ADAMTS2: variants seen among roughly 807,000 people sequenced by gnomAD.
ADAMTS2 encodes A disintegrin and metalloproteinase with thrombospondin motifs 2.
Under a neutral mutation model 123.0 loss-of-function variants are expected in ADAMTS2, and 50 were observed. The observed-to-expected ratio is 0.41, with a 90% CI of 0.32 to 0.51. The LOEUF (loss-of-function observed/expected upper bound fraction) is 0.51, where lower values mean the gene tolerates loss of function less well. Ranked by LOEUF, ADAMTS2 falls within the 20% of genes least tolerant of loss-of-function variation. The probability of loss-of-function intolerance (pLI) is 0.35; values close to 1 mark genes in which losing one functional copy is unlikely to be tolerated. For synonymous variants in ADAMTS2, 678 were observed against 695.4 expected (o/e 0.98, Z 0.39); for missense variants, 1,494 against 1,705.2 (o/e 0.88, Z 2.18).
At chr5:179,184,498 A>G (rs1413693157) in intron 4 of ADAMTS2, among the ~76,000 whole-genome samples, 405 of 148,756 alleles carry the variant, frequency 2.7e-3, no homozygotes, top group African/African-American at 9.5e-3. Context: ...GAGACAGAGC[A>G]AGACTCTGTC....
At chr5:179,196,632 T>A (rs1764439255) in intron 4 of ADAMTS2, among the ~76,000 whole-genome samples, 1 of 152,222 alleles carries the variant, frequency 6.6e-6, no homozygotes, top group South Asian at 2.1e-4. Flanking sequence ...GCTCAGTACT[T>A]CCCTAATACG....
At chr5:179,154,268 A>G (rs1763424666) in intron 7 of ADAMTS2, 76 bp from the exon 8 acceptor site, 6 of 1,529,062 alleles carry the variant, frequency 3.9e-6, no homozygotes, top group Non-Finnish European at 5.3e-6. Flanking sequence ...CGATGATAGG[A>G]GGGTGCCCCA....
At position 179,162,187 on chromosome 5, in the gene ADAMTS2, C is replaced by T. The variant is rs1393335988; in HGVS notation, c.976-3308G>A. On this transcript the variant is annotated intron_variant, in intron 5 of 21. Transcript: ENST00000251582. The surrounding 1 kb of genome is among the most constrained non-coding windows in gnomAD (Gnocchi z 5.1). ...ATGCCCTGGTGGGTTGCGGTGACTT[C>T]TGCCTGCCCTTGTTTCCCTTTCGTG... is the stretch of plus-strand genomic sequence containing the variant. Among the ~76,000 whole-genome samples the T allele has an allele frequency of 6.6e-6, 1 of 152,212 alleles. No homozygotes were observed. The highest frequency in any genetic ancestry group is 1.5e-5 in the Non-Finnish European group (1 of 68,040).
chr5:179,253,760 A>T (rs1765982540), intron 3 of ADAMTS2, among the ~76,000 whole-genome samples: 1 of 151,812 alleles, frequency 6.6e-6, no homozygotes, highest in Admixed American at 6.6e-5. Flanking sequence ...GTGAGTTCAG[A>T]CCCTTCTCAC....
rs1756578317 is a variant in ADAMTS2, at chr5:179,303,123, T to C, written c.535-30059A>G. 6.6e-6 allele frequency among the ~76,000 whole-genome samples: 1 copy of C among 152,114 alleles called. No individual in the cohort carries two copies. The highest frequency in any genetic ancestry group is 1.5e-5 in the Non-Finnish European group (1 of 68,002). ...CAGCCCCTGGAGGGTGGAAGAGACCTGATTCCCCTGTCAGTTGCTCTGGGC... is the reference window on the plus strand; with the variant it reads ...CAGCCCCTGGAGGGTGGAAGAGACCCGATTCCCCTGTCAGTTGCTCTGGGC... On this transcript the variant is annotated intron_variant, in intron 2 of 21. Coordinates refer to ENST00000251582, the MANE Select transcript of ADAMTS2 (RefSeq NM_014244.5). This position sits in a 1 kb window ranked among gnomAD's most constrained non-coding sequence, Gnocchi z 4.7.
chr5:179,176,669 T>C (rs1330771923), intron 5 of ADAMTS2, among the ~76,000 whole-genome samples: 2 of 152,190 alleles, frequency 1.3e-5, no homozygotes, highest in African/African-American at 4.8e-5. Flanking sequence ...CCTAAGCCAC[T>C]GCTCCCACCT....
intron 2 of ADAMTS2, among the ~76,000 whole-genome samples, chr5:179,318,794 C>T (rs1032705908): frequency 1.4e-4 from 22 of 152,072 alleles, no homozygotes; most frequent in African/African-American, 2.7e-4. Context: ...AGCGTTGAGA[C>T]GTTGGGGCCT....
rs1165407235 is a variant in ADAMTS2 at position 179,197,813 on chromosome 5, T to TG, written c.891+9699dup. On this transcript the variant is annotated intron_variant, in intron 4 of 21. Transcript: ENST00000251582. The surrounding 1 kb of genome is among the most constrained non-coding windows in gnomAD (Gnocchi z 4.2). ...TTACCTGAGCCTGCAGAAGAGTCCC[T>TG]GTCTGTACCTGGGGACGAAACTTGA... Among the ~76,000 whole-genome samples, 1 of 152,214 alleles carries TG rather than the reference T, an allele frequency of 6.6e-6. No homozygotes were observed. Among genetic ancestry groups the TG allele is most frequent in the Non-Finnish European group, 1.5e-5 (1 of 68,034 alleles).
intron 5 of ADAMTS2, among the ~76,000 whole-genome samples, chr5:179,163,926 G>C (rs1763648054): frequency 6.6e-6 from 1 of 152,070 alleles, no homozygotes; most frequent in Non-Finnish European, 1.5e-5. Flanking sequence ...AGAGGGGAGG[G>C]CTGGGGTGCA....
intron 4 of ADAMTS2, among the ~76,000 whole-genome samples, chr5:179,191,969 C>T (rs1764316489): frequency 6.6e-6 from 1 of 152,202 alleles, no homozygotes; most frequent in African/African-American, 2.4e-5. Context: ...GTAGAGTGGA[C>T]ACCCATCAAG....
Position 179,262,894 on chromosome 5 carries a change from G to A in ADAMTS2, c.688+10017C>T, listed in dbSNP as rs187557246. ...GGTGGACACATAGCAAGAACGTGAC[G>A]AGTGAATGCAGGAAAATACACTTGT... On this transcript the variant is annotated intron_variant, in intron 3 of 21. Transcript: ENST00000251582. This position sits in a 1 kb window ranked among gnomAD's most constrained non-coding sequence, Gnocchi z 5.9. 1.1e-4 allele frequency among the ~76,000 whole-genome samples: 17 copies of A among 152,234 alleles called. No individual in the cohort carries two copies. Among genetic ancestry groups the A allele is most frequent in the Non-Finnish European group, 2.4e-4 (16 of 68,036 alleles).
intron 2 of ADAMTS2, among the ~76,000 whole-genome samples, chr5:179,279,663 G>C (rs1316248482): frequency 6.6e-6 from 1 of 152,230 alleles, no homozygotes; most frequent in Non-Finnish European, 1.5e-5. Flanking sequence ...TTCAGGGAAG[G>C]GGGCTGGACC....
At position 179,188,586 on chromosome 5, in the gene ADAMTS2, A is replaced by AAAATATCAAACTACCATG. The variant is rs3836834; in HGVS notation, c.892-7449_892-7432dup. On this transcript the variant is annotated intron_variant, in intron 4 of 21. Transcript: ENST00000251582. This position sits in a 1 kb window ranked among gnomAD's most constrained non-coding sequence, Gnocchi z 5.1. ...GCTAGAAGAAACGTGACTCTTGCTC[A>AAAATATCAAACTACCATG]AAATATCAAACTACCATGAAACGGA... Among the ~76,000 whole-genome samples the AAAATATCAAACTACCATG allele has an allele frequency of 1.3e-4, 20 of 152,314 alleles. No homozygotes were observed. In the East Asian group the frequency reaches 3.7e-3, roughly 28 times the overall value.
chr5:179,251,321 T>C (rs1765918934), intron 3 of ADAMTS2, among the ~76,000 whole-genome samples: 1 of 152,166 alleles, frequency 6.6e-6, no homozygotes, highest in African/African-American at 2.4e-5. Flanking sequence ...AGGAATCGTA[T>C]TTCTGCCTGA....
chr5:179,343,134 C>A (rs1448897972), intron 2 of ADAMTS2, among the ~76,000 whole-genome samples: 1 of 152,214 alleles, frequency 6.6e-6, no homozygotes, highest in East Asian at 1.9e-4. Context: ...GATTCCCGGT[C>A]AGCCAAGGGG....
At chr5:179,135,077 TCCCGGCTCCAGCCC>T (rs1461350037) in intron 13 of ADAMTS2, among the ~76,000 whole-genome samples, 1 of 21,236 alleles carries the variant, frequency 4.7e-5, no homozygotes, top group Non-Finnish European at 1.1e-4. Context: ...CGGGTCCAGC[TCCCGGCTCCAGCCC>T]CCAGCTCCCG....
At chr5:179,331,835 G>A (rs922037081) in intron 2 of ADAMTS2, among the ~76,000 whole-genome samples, 12 of 152,156 alleles carry the variant, frequency 7.9e-5, no homozygotes, top group African/African-American at 2.9e-4. Context: ...CAAACATGTG[G>A]TTTCCCTCAC....
intron 3 of ADAMTS2, among the ~76,000 whole-genome samples, chr5:179,247,212 CACAA>C (rs1200683606): frequency 6.6e-6 from 1 of 151,872 alleles, no homozygotes; most frequent in Admixed American, 6.6e-5. Flanking sequence ...AAAAAGGAAC[CACAA>C]ACAATTTTGG....
Position 179,314,549 on chromosome 5 carries a change from G to GC in ADAMTS2, c.534+29217dup, listed in dbSNP as rs1327271900. Among the ~76,000 whole-genome samples, 3 of 152,080 alleles carry GC rather than the reference G, an allele frequency of 2.0e-5. No individual in the cohort carries two copies. Among genetic ancestry groups the GC allele is most frequent in the Non-Finnish European group, 4.4e-5 (3 of 67,992 alleles). ...CACCCACAGCGCTCCTGCCTCTGCA[G>GC]CCCCCCGGGCCGTGTCTCTCTCTCA... On this transcript the variant is annotated intron_variant, in intron 2 of 21. Transcript: ENST00000251582. The surrounding 1 kb of genome is among the most constrained non-coding windows in gnomAD (Gnocchi z 4.5).
Sources: gnomAD v4.1 joint callset for allele counts (sites outside exome capture counted in the v4.1 genomes callset) on GRCh38, gnomAD v4.1.1 for gene constraint, Gnocchi (gnomAD v3.1) non-coding constraint, MANE v1.5 for transcripts, NCBI Gene and HGNC (gene_info 2026-07-23, HGNC 2026-07-21) for gene names.